Variants in FGD4 observed in about 807,000 individuals in gnomAD.
The protein encoded by FGD4 is FYVE, RhoGEF and PH domain containing 4, also known as FYVE, RhoGEF and PH domain-containing protein 4.
Under a neutral mutation model 102.0 loss-of-function variants are expected in FGD4, and 42 were observed. That is an observed-to-expected ratio of 0.41 (90% CI 0.32 to 0.53). FGD4 has a LOEUF of 0.53. Among genes scored for constraint, FGD4 ranks in the 20% least tolerant of loss-of-function variants. The probability of loss-of-function intolerance (pLI) is 0.21; values close to 1 mark genes in which losing one functional copy is unlikely to be tolerated. For synonymous variants in FGD4, 380 were observed against 375.7 expected (o/e 1.01, Z -0.13); for missense variants, 902 against 1,078.2 (o/e 0.84, Z 2.29).
Position 32,399,699 on chromosome 12 carries a change from C to T in FGD4, c.-95C>T. 6.8e-7 allele frequency: 1 copy of T among 1,471,846 alleles called. No homozygotes were observed. The highest frequency in any genetic ancestry group is 2.5e-4 in the Middle Eastern group (1 of 4,070). 91.2% of individuals were successfully genotyped at this position (1,471,846 alleles called of 1,614,324 possible). On this transcript the variant is annotated 5_prime_UTR_variant, in exon 1 of 17. Coordinates refer to ENST00000534526, the MANE Select transcript of FGD4 (RefSeq NM_001370298.3). Reference sequence around the variant, plus strand: ...GCAGTAGAGGGCGCCCCCGGAGTCGCGCCGAACCTGGGCATGCAGGCGACG... The same window carrying T: ...GCAGTAGAGGGCGCCCCCGGAGTCGTGCCGAACCTGGGCATGCAGGCGACG...
intron 10 of FGD4, among the ~76,000 whole-genome samples, chr12:32,617,102 C>T (rs529681721): frequency 7.7e-4 from 117 of 152,298 alleles, no homozygotes; most frequent in African/African-American, 2.8e-3. Context: ...CAAACACTTA[C>T]CATTAAGCCC....
intron 1 of FGD4, among the ~76,000 whole-genome samples, chr12:32,494,503 A>G (rs1565775809): frequency 6.6e-6 from 1 of 152,226 alleles, no homozygotes; most frequent in Non-Finnish European, 1.5e-5. Context: ...TGAACTGATA[A>G]TTTTATATTT....
chr12:32,589,154 A>C (rs1947276656), intron 4 of FGD4, among the ~76,000 whole-genome samples: 1 of 152,234 alleles, frequency 6.6e-6, no homozygotes, highest in South Asian at 2.1e-4. Flanking sequence ...ACTTTAGAAC[A>C]GTGCCTTGGC....
intron 1 of FGD4, among the ~76,000 whole-genome samples, chr12:32,410,688 C>G (rs1008154968): frequency 6.6e-6 from 1 of 152,042 alleles, no homozygotes; most frequent in Non-Finnish European, 1.5e-5. Context: ...ACATGCACAT[C>G]CGTTCATTGG....
At chr12:32,562,818 T>C (rs1271829839) in intron 1 of FGD4, among the ~76,000 whole-genome samples, 7 of 152,122 alleles carry the variant, frequency 4.6e-5, no homozygotes, top group Admixed American at 1.3e-4. Context: ...TACTTCTTTC[T>C]ACACAGACAC....
intron 1 of FGD4, among the ~76,000 whole-genome samples, chr12:32,451,032 C>T (rs924699231): frequency 6.6e-6 from 1 of 152,194 alleles, no homozygotes; most frequent in Non-Finnish European, 1.5e-5. Context: ...GCACTTGGTT[C>T]TCTTTTTAAG....
intron 1 of FGD4, among the ~76,000 whole-genome samples, chr12:32,457,638 CAG>C (rs2136487575): frequency 6.6e-6 from 1 of 152,306 alleles, no homozygotes; most frequent in East Asian, 1.9e-4. Flanking sequence ...TCAGTGGACT[CAG>C]AATACAAGGA....
At chr12:32,451,691 G>T (rs1240842528) in intron 1 of FGD4, among the ~76,000 whole-genome samples, 1 of 151,724 alleles carries the variant, frequency 6.6e-6, no homozygotes, top group Middle Eastern at 3.2e-3. Flanking sequence ...TGGATCACCC[G>T]AGGTCAGGAG....
chr12:32,617,023 C>G (rs1472169514), intron 10 of FGD4, among the ~76,000 whole-genome samples: 1 of 152,136 alleles, frequency 6.6e-6, no homozygotes, highest in Non-Finnish European at 1.5e-5. Context: ...CTCATGGCCT[C>G]AAGCCCTTTT....
In FGD4 at chr12:32,636,218, C is replaced by T. The variant is rs574649946; in HGVS notation, c.2314-2437C>T. Among the ~76,000 whole-genome samples, 21 of 152,090 alleles carry T rather than the reference C, an allele frequency of 1.4e-4. No individual in the cohort carries two copies. In the East Asian group the frequency reaches 3.5e-3, roughly 25 times the overall value. On this transcript the variant is annotated intron_variant, in intron 15 of 16. Coordinates refer to ENST00000534526, the MANE Select transcript of FGD4 (RefSeq NM_001370298.3). ...AGGCTGGATTTGGCTTGTGAGTTAT[C>T]GTCTGCTAACCAGTGCTGCTTTAAA...
intron 1 of FGD4, among the ~76,000 whole-genome samples, chr12:32,430,544 A>G (rs1181501570): frequency 1.3e-5 from 2 of 152,164 alleles, no homozygotes; most frequent in Non-Finnish European, 2.9e-5. Context: ...TGAATTTTAT[A>G]TGTTCTGCAA....
chr12:32,572,076 GTGTA>G (rs1050493258), intron 2 of FGD4, among the ~76,000 whole-genome samples: 1 of 151,890 alleles, frequency 6.6e-6, no homozygotes, highest in Non-Finnish European at 1.5e-5. Flanking sequence ...GCGTGCGTGT[GTGTA>G]TGTATGTTTA....
At chr12:32,462,097 A>T (rs564978236) in intron 1 of FGD4, among the ~76,000 whole-genome samples, 1 of 152,314 alleles carries the variant, frequency 6.6e-6, no homozygotes, top group East Asian at 1.9e-4. Context: ...CAGGTGGTTT[A>T]TAGCAAGTAA....
At chr12:32,593,217 AAC>A (rs1947621514) in intron 4 of FGD4, among the ~76,000 whole-genome samples, 1 of 152,214 alleles carries the variant, frequency 6.6e-6, no homozygotes, top group Admixed American at 6.5e-5. Flanking sequence ...AAATAATTAT[AAC>A]AGTGTCTGGC....
At chr12:32,446,749 G>A (rs1379532115) in intron 1 of FGD4, among the ~76,000 whole-genome samples, 1 of 152,162 alleles carries the variant, frequency 6.6e-6, no homozygotes, top group Non-Finnish European at 1.5e-5. Context: ...AGGAGAAACA[G>A]GACACAATAC....
At chr12:32,608,857 G>A (rs73083455) in intron 8 of FGD4, among the ~76,000 whole-genome samples, 3,080 of 152,212 alleles carry the variant, frequency 0.02, 57 homozygotes, top group Middle Eastern at 0.071. Context: ...GACGAAGTAC[G>A]TAAAACATTT....
At chr12:32,409,635 A>G (rs535722863) in intron 1 of FGD4, among the ~76,000 whole-genome samples, 3 of 152,250 alleles carry the variant, frequency 2.0e-5, no homozygotes, top group African/African-American at 7.2e-5. Flanking sequence ...TATCTTTGCC[A>G]TAGTCAAAAA....
chr12:32,455,243 A>T (rs912229851), intron 1 of FGD4, among the ~76,000 whole-genome samples: 30 of 152,206 alleles, frequency 2.0e-4, no homozygotes, highest in African/African-American at 5.8e-4. Flanking sequence ...GTTCATTGTC[A>T]GTATGTTTGC....
intron 1 of FGD4, among the ~76,000 whole-genome samples, chr12:32,453,248 TTTA>T (rs1942859841): frequency 1.5e-5 from 2 of 133,710 alleles, no homozygotes; most frequent in Non-Finnish European, 3.2e-5. Flanking sequence ...TTTTTTTTTT[TTTA>T]AATGTAGAGC....
Sources: allele counts gnomAD v4.1 joint callset (sites outside exome capture counted in the v4.1 genomes callset), GRCh38; gene constraint gnomAD v4.1.1; transcripts MANE v1.5; gene names NCBI Gene and HGNC (gene_info 2026-07-23, HGNC 2026-07-21).